NOVA1: variants seen among roughly 807,000 people sequenced by gnomAD.
NOVA1 encodes NOVA alternative splicing regulator 1.
In NOVA1, 7 loss-of-function variants were observed where a neutral mutation model predicts 38.0. The observed-to-expected ratio is 0.18, with a 90% CI of 0.10 to 0.35. NOVA1 has a LOEUF of 0.35. NOVA1 is among the 10% of genes least tolerant of loss of function. The pLI is 1.00. For missense variants in NOVA1, 460 were observed against 616.0 expected (o/e 0.75, Z 2.68); for synonymous variants, 270 against 232.5 (o/e 1.16, Z -1.47).
At chr14:26,488,221 T>A (rs1394984897) in intron 2 of NOVA1, among the ~76,000 whole-genome samples, 1 of 152,184 alleles carries the variant, frequency 6.6e-6, no homozygotes, top group Non-Finnish European at 1.5e-5. Flanking sequence ...GAAGGCCTGA[T>A]TCTGTTTATA....
intron 4 of NOVA1, among the ~76,000 whole-genome samples, chr14:26,459,846 T>G (rs1015098843): frequency 6.6e-6 from 1 of 152,060 alleles, no homozygotes. Flanking sequence ...GGAATTAAGT[T>G]ATAAGGAAAA....
intron 4 of NOVA1, among the ~76,000 whole-genome samples, chr14:26,451,311 T>TA (rs1168819678): frequency 1.3e-5 from 2 of 152,082 alleles, no homozygotes; most frequent in Admixed American, 6.6e-5. Flanking sequence ...TTTTTAACAA[T>TA]AAAAAAACAA....
intron 4 of NOVA1, among the ~76,000 whole-genome samples, chr14:26,455,467 G>A (rs73597987): frequency 0.021 from 3,211 of 152,148 alleles, 101 homozygotes; most frequent in African/African-American, 0.073. Context: ...TAGTGAGACT[G>A]AGGATAAGGA....
At chr14:26,592,698 T>G in intron 2 of NOVA1, 1 of 151,568 alleles carries the variant, frequency 6.6e-6, no homozygotes, top group East Asian at 1.9e-4. Flanking sequence ...AAATTACTCA[T>G]AAAGGCAGGG....
intron 2 of NOVA1, among the ~76,000 whole-genome samples, chr14:26,529,910 T>C (rs1017100166): frequency 2.6e-5 from 4 of 152,092 alleles, no homozygotes; most frequent in Non-Finnish European, 5.9e-5. Context: ...TCTATGTAAA[T>C]AATAAACTAT....
chr14:26,569,992 G>A (rs890172770), intron 2 of NOVA1, among the ~76,000 whole-genome samples: 1 of 152,120 alleles, frequency 6.6e-6, no homozygotes, highest in Non-Finnish European at 1.5e-5. Flanking sequence ...GCCTTAAAGG[G>A]TCTCTAAAAG....
chr14:26,488,550 T>C (rs1886092799), intron 2 of NOVA1, among the ~76,000 whole-genome samples: 1 of 152,228 alleles, frequency 6.6e-6, no homozygotes, highest in African/African-American at 2.4e-5. Context: ...AATTTATTTC[T>C]AGTTTTTAAA....
chr14:26,567,295 T>G (rs1892194389), intron 2 of NOVA1, among the ~76,000 whole-genome samples: 2 of 144,064 alleles, frequency 1.4e-5, no homozygotes, highest in African/African-American at 5.1e-5. Context: ...GTTTAATTTT[T>G]TTTTTTTTTT....
chr14:26,452,163 C>A (rs1392422515), intron 4 of NOVA1, among the ~76,000 whole-genome samples: 1 of 152,088 alleles, frequency 6.6e-6, no homozygotes, highest in Admixed American at 6.6e-5. Context: ...GACAAAAGAA[C>A]ATGAGAATCC....
At chr14:26,583,881 TCACACACACACACACA>T (rs36218600) in intron 2 of NOVA1, among the ~76,000 whole-genome samples, 2,651 of 146,020 alleles carry the variant, frequency 0.018, 69 homozygotes, top group African/African-American at 0.064. Context: ...AGCATCAAAT[TCACACACACACACACA>T]CACACACACA....
intron 2 of NOVA1, among the ~76,000 whole-genome samples, chr14:26,481,014 A>G (rs1311793377): frequency 6.6e-6 from 1 of 152,116 alleles, no homozygotes; most frequent in Non-Finnish European, 1.5e-5. Flanking sequence ...CACAGGTCGT[A>G]TCACCTATTT....
chr14:26,532,961 CCTAG>C (rs1483975864), intron 2 of NOVA1, among the ~76,000 whole-genome samples: 1 of 152,034 alleles, frequency 6.6e-6, no homozygotes, highest in Non-Finnish European at 1.5e-5. Context: ...TTTTTTCTCT[CCTAG>C]CTATTAGATA....
At chr14:26,494,941 T>C (rs1886647708) in intron 2 of NOVA1, among the ~76,000 whole-genome samples, 1 of 152,148 alleles carries the variant, frequency 6.6e-6, no homozygotes, top group Admixed American at 6.6e-5. Context: ...ATATTAAGAG[T>C]TAAGTCTAAA....
intron 2 of NOVA1, among the ~76,000 whole-genome samples, chr14:26,533,316 G>A (rs368633755): frequency 2.0e-5 from 3 of 151,998 alleles, no homozygotes; most frequent in Non-Finnish European, 2.9e-5. Context: ...TGCATTTTGC[G>A]GTAATGCAAT....
At chr14:26,547,026 AAAATT>A (rs1426531280) in intron 2 of NOVA1, among the ~76,000 whole-genome samples, 2 of 152,044 alleles carry the variant, frequency 1.3e-5, no homozygotes, top group African/African-American at 2.4e-5. Context: ...TCAAAAAAAT[AAAATT>A]AAATTAAATT....
chr14:26,572,803 A>G (rs1892575711), intron 2 of NOVA1, among the ~76,000 whole-genome samples: 1 of 151,744 alleles, frequency 6.6e-6, no homozygotes, highest in African/African-American at 2.4e-5. Context: ...ATACAGATAC[A>G]TAACCAAATA....
At chr14:26,506,038 C>T (rs1887617967) in intron 2 of NOVA1, among the ~76,000 whole-genome samples, 2 of 152,094 alleles carry the variant, frequency 1.3e-5, no homozygotes, top group African/African-American at 2.4e-5. Context: ...AAAATAGATG[C>T]TTATCTAAAA....
chr14:26,577,999 GAA>G (rs1025004128), intron 2 of NOVA1, among the ~76,000 whole-genome samples: 1 of 139,858 alleles, frequency 7.2e-6, no homozygotes. Flanking sequence ...AAGGAAATGA[GAA>G]AAAAAAAAAC....
intron 2 of NOVA1, among the ~76,000 whole-genome samples, chr14:26,542,563 T>C (rs1460797141): frequency 1.3e-5 from 2 of 151,864 alleles, no homozygotes; most frequent in African/African-American, 4.8e-5. Context: ...GAAACAGAAC[T>C]TTACTCCCAA....
Sources: gnomAD v4.1 joint callset for allele counts (sites outside exome capture counted in the v4.1 genomes callset) on GRCh38, gnomAD v4.1.1 for gene constraint, MANE v1.5 for transcripts, NCBI Gene and HGNC (gene_info 2026-07-23, HGNC 2026-07-21) for gene names.